Variants in AGPAT4 observed in about 807,000 individuals in gnomAD.
The protein encoded by AGPAT4 is 1-acyl-sn-glycerol-3-phosphate acyltransferase delta.
In AGPAT4, 15 loss-of-function variants were observed where a neutral mutation model predicts 48.0. The observed-to-expected ratio is 0.31, with a 90% CI of 0.21 to 0.48. The LOEUF (loss-of-function observed/expected upper bound fraction) is 0.48, where lower values mean the gene tolerates loss of function less well. Among genes scored for constraint, AGPAT4 ranks in the 20% least tolerant of loss-of-function variants. AGPAT4 has a pLI of 0.99. For missense variants in AGPAT4, 314 were observed against 482.5 expected (o/e 0.65, Z 3.27); for synonymous variants, 178 against 198.7 (o/e 0.90, Z 0.88).
intron 2 of AGPAT4, among the ~76,000 whole-genome samples, chr6:161,203,631 C>T (rs1359345773): frequency 1.3e-5 from 2 of 152,078 alleles, no homozygotes; most frequent in African/African-American, 4.8e-5. Context: ...CTCCTGACCT[C>T]AAGTAATCCG....
rs1783145034 is a variant in AGPAT4, at chr6:161,262,957, G to A, written c.-90+10981C>T. On this transcript the variant is annotated intron_variant, in intron 1 of 8. Coordinates refer to ENST00000320285, the MANE Select transcript of AGPAT4 (RefSeq NM_020133.3). The surrounding 1 kb of genome is among the most constrained non-coding windows in gnomAD (Gnocchi z 4.9). ...GCCAGGAGGAGCAAAGCAAGCCCTGGGCTATTCCAGAGAAAGCGAGGGAAG... is the reference window on the plus strand; with the variant it reads ...GCCAGGAGGAGCAAAGCAAGCCCTGAGCTATTCCAGAGAAAGCGAGGGAAG... 6.6e-6 allele frequency among the ~76,000 whole-genome samples: 1 copy of A among 152,088 alleles called. No homozygotes were observed. Among genetic ancestry groups the A allele is most frequent in the African/African-American group, 2.4e-5 (1 of 41,422 alleles).
At chr6:161,213,570 T>C (rs901216380) in intron 2 of AGPAT4, among the ~76,000 whole-genome samples, 3 of 152,224 alleles carry the variant, frequency 2.0e-5, no homozygotes, top group African/African-American at 7.2e-5. Context: ...AACTAAGCTG[T>C]GCTTTTGTAA....
At position 161,141,051 on chromosome 6, in the gene AGPAT4, C is replaced by A. The variant is rs558302167; in HGVS notation, c.844-1431G>T. Among the ~76,000 whole-genome samples the A allele has an allele frequency of 1.3e-5, 2 of 152,252 alleles. No individual in the cohort carries two copies. Among genetic ancestry groups the A allele is most frequent in the Non-Finnish European group, 2.9e-5 (2 of 68,012 alleles). ...CTTGAGATAGAAAAGTCTAAAGTATCTCATACTTTTCTTCTTTTTCATTCA... is the reference window on the plus strand; with the variant it reads ...CTTGAGATAGAAAAGTCTAAAGTATATCATACTTTTCTTCTTTTTCATTCA... On this transcript the variant is annotated intron_variant, in intron 7 of 8. Transcript: ENST00000320285. The surrounding 1 kb of genome is among the most constrained non-coding windows in gnomAD (Gnocchi z 6.7).
chr6:161,223,942 A>C lies in AGPAT4; in HGVS notation c.178+8094T>G, dbSNP rs1395367370. Among the ~76,000 whole-genome samples the C allele has an allele frequency of 6.6e-6, 1 of 152,252 alleles. No homozygotes were observed. The highest frequency in any genetic ancestry group is 1.5e-5 in the Non-Finnish European group (1 of 68,048). ...AAATACTAGCTGGCTAAAAGTTCAT[A>C]GAATAAAAAGGCAGAATCAGGAAGT... is the stretch of plus-strand genomic sequence containing the variant. On this transcript the variant is annotated intron_variant, in intron 2 of 8. Coordinates refer to ENST00000320285, the MANE Select transcript of AGPAT4 (RefSeq NM_020133.3). This position sits in a 1 kb window ranked among gnomAD's most constrained non-coding sequence, Gnocchi z 6.3.
intron 2 of AGPAT4, among the ~76,000 whole-genome samples, chr6:161,199,171 G>T (rs2115008301): frequency 6.6e-6 from 1 of 151,856 alleles, no homozygotes; most frequent in African/African-American, 2.4e-5. Context: ...GCAACACTGT[G>T]CATCAGACTT....
At position 161,229,168 on chromosome 6, in the gene AGPAT4, T is replaced by C. The variant is rs1323448205; in HGVS notation, c.178+2868A>G. Among the ~76,000 whole-genome samples the C allele has an allele frequency of 6.6e-6, 1 of 152,146 alleles. No homozygotes were observed. Among genetic ancestry groups the C allele is most frequent in the Non-Finnish European group, 1.5e-5 (1 of 68,024 alleles). On this transcript the variant is annotated intron_variant, in intron 2 of 8. Transcript: ENST00000320285. The surrounding 1 kb of genome is among the most constrained non-coding windows in gnomAD (Gnocchi z 6.0). ...TTTAATGAGAAAAGAGACAAAGCCA[T>C]AGCTCTGCTAGAGGAAAGCGAACAC...
chr6:161,153,978 C>T (rs939489976), intron 4 of AGPAT4, 171 bp downstream of exon 4: 21 of 863,516 alleles, frequency 2.4e-5, no homozygotes, highest in Middle Eastern at 3.3e-4. Context: ...CGGTCACACA[C>T]GGCCCCATGG....
At position 161,195,509 on chromosome 6, in the gene AGPAT4, A is replaced by G. The variant is rs557266109; in HGVS notation, c.179-29092T>C. 1.4e-3 allele frequency among the ~76,000 whole-genome samples: 217 copies of G among 152,350 alleles called. No individual in the cohort carries two copies. Among genetic ancestry groups the G allele is most frequent in the African/African-American group, 5.0e-3 (207 of 41,578 alleles). On this transcript the variant is annotated intron_variant, in intron 2 of 8. Transcript: ENST00000320285. This position sits in a 1 kb window ranked among gnomAD's most constrained non-coding sequence, Gnocchi z 5.0. ...GTTTGTACAGTAGCCAGAGATCTTT[A>G]AAAGCTCAAAGCGCTTCCTAGCGCA...
At chr6:161,260,591 G>T (rs1783069583) in intron 1 of AGPAT4, among the ~76,000 whole-genome samples, 1 of 147,548 alleles carries the variant, frequency 6.8e-6, no homozygotes, top group South Asian at 2.2e-4. Context: ...GGGAGGCGGA[G>T]GTTGCAGTGA....
At position 161,149,289 on chromosome 6, in the gene AGPAT4, A is replaced by C; in HGVS notation, c.665T>G (p.Val222Gly). 2 of 1,607,706 alleles carry C rather than the reference A, an allele frequency of 1.2e-6. No individual in the cohort carries two copies. Among genetic ancestry groups the C allele is most frequent in the Non-Finnish European group, 1.7e-6 (2 of 1,179,138 alleles). The change falls in exon 6 of 9, where the codon GTT becomes GGT. Residue 222 changes from valine to glycine, a missense_variant and splice_region_variant. Physicochemically the swap from Val to Gly is moderately radical, Grantham distance 109. Coordinates refer to ENST00000320285, the MANE Select transcript of AGPAT4 (RefSeq NM_020133.3). The surrounding 1 kb of genome is among the most constrained non-coding windows in gnomAD (Gnocchi z 6.5). ...GAGTGTACAGTCATATACAGCTGAAACTATAAAAAATAAAACAAATACAAA... is the reference window on the plus strand; with the variant it reads ...GAGTGTACAGTCATATACAGCTGAACCTATAAAAAATAAAACAAATACAAA... ...AITVRSLRNV[V>G]SAVYDCTLNF...
At position 161,139,395 on chromosome 6, in the gene AGPAT4, C is replaced by T; in HGVS notation, c.1042+27G>A. 2 of 1,610,674 alleles carry T rather than the reference C, an allele frequency of 1.2e-6. No individual in the cohort carries two copies. The highest frequency in any genetic ancestry group is 1.7e-6 in the Non-Finnish European group (2 of 1,177,482). ...CTCTCCCAGGGTGGTGCTGTCAGCA[C>T]CCACCAGCCCCTTGCCCTCCACTCA... is the stretch of plus-strand genomic sequence containing the variant. On this transcript the variant is annotated intron_variant, in intron 8 of 8. Coordinates refer to ENST00000320285, the MANE Select transcript of AGPAT4 (RefSeq NM_020133.3). The surrounding 1 kb of genome is among the most constrained non-coding windows in gnomAD (Gnocchi z 9.1).
chr6:161,219,881 A>AGGCAGGCAGGCAGGCAGGCAGGC lies in AGPAT4; in HGVS notation c.178+12132_178+12154dup, dbSNP rs1562343736. ...TAGATAGATAGATAGATAGGCAGGC[A>AGGCAGGCAGGCAGGCAGGCAGGC]GGCAGGCAGGCAGGCAGGCAGGCAG... On this transcript the variant is annotated intron_variant, in intron 2 of 8. Coordinates refer to ENST00000320285, the MANE Select transcript of AGPAT4 (RefSeq NM_020133.3). This position sits in a 1 kb window ranked among gnomAD's most constrained non-coding sequence, Gnocchi z 4.9. Among the ~76,000 whole-genome samples, 231 of 92,288 alleles carry AGGCAGGCAGGCAGGCAGGCAGGC rather than the reference A, an allele frequency of 2.5e-3. 2 individuals are homozygous for AGGCAGGCAGGCAGGCAGGCAGGC. Among genetic ancestry groups the AGGCAGGCAGGCAGGCAGGCAGGC allele is most frequent in the African/African-American group, 8.9e-3 (213 of 23,972 alleles). The allele number at this position is 92,288 out of a possible 152,430, so 60.5% of individuals were successfully genotyped here.
rs146932214 is a variant in AGPAT4, at chr6:161,233,607, C to G, written c.-89-1305G>C. ...ACTCTTCTGTTTTTCACTTTCAGTA[C>G]AGTATTCAATAAATTACAAGGCCTA... On this transcript the variant is annotated intron_variant, in intron 1 of 8. Transcript: ENST00000320285. This position sits in a 1 kb window ranked among gnomAD's most constrained non-coding sequence, Gnocchi z 5.4. Among the ~76,000 whole-genome samples the G allele has an allele frequency of 2.2e-4, 33 of 152,112 alleles. No individual in the cohort carries two copies. Among genetic ancestry groups the G allele is most frequent in the African/African-American group, 7.7e-4 (32 of 41,402 alleles).
At position 161,219,872 on chromosome 6, in the gene AGPAT4, T is replaced by TAGATAGATAGAC. The variant is rs1375144242; in HGVS notation, c.178+12163_178+12164insGTCTATCTATCT. Among the ~76,000 whole-genome samples the TAGATAGATAGAC allele has an allele frequency of 1.2e-4, 15 of 121,232 alleles. No individual in the cohort carries two copies. Among genetic ancestry groups the TAGATAGATAGAC allele is most frequent in the African/African-American group, 3.1e-4 (11 of 35,332 alleles). The allele number at this position is 121,232 out of a possible 152,430, so 79.5% of individuals were successfully genotyped here. On this transcript the variant is annotated intron_variant, in intron 2 of 8. Coordinates refer to ENST00000320285, the MANE Select transcript of AGPAT4 (RefSeq NM_020133.3). This position sits in a 1 kb window ranked among gnomAD's most constrained non-coding sequence, Gnocchi z 4.9. Reference sequence around the variant, plus strand: ...ATAGATAGATAGATAGATAGATAGATAGGCAGGCAGGCAGGCAGGCAGGCA... The same window carrying TAGATAGATAGAC: ...ATAGATAGATAGATAGATAGATAGATAGATAGATAGACAGGCAGGCAGGCAGGCAGGCAGGCA...
chr6:161,147,932 C>T lies in AGPAT4; in HGVS notation c.767+1255G>A, dbSNP rs1396894486. Among the ~76,000 whole-genome samples the T allele has an allele frequency of 1.3e-5, 2 of 152,188 alleles. No homozygotes were observed. Among genetic ancestry groups the T allele is most frequent in the African/African-American group, 4.8e-5 (2 of 41,446 alleles). The stretch of plus-strand genomic sequence containing the variant: ...CAAAAAGATGTGTGTTGAATAGCAT[C>T]AATGCTAACCTTCCTCTGGGGTCAA... On this transcript the variant is annotated intron_variant, in intron 6 of 8. Transcript: ENST00000320285. The surrounding 1 kb of genome is among the most constrained non-coding windows in gnomAD (Gnocchi z 4.8).
At position 161,219,946 on chromosome 6, in the gene AGPAT4, G is replaced by GCAGACAGA. The variant is rs3839453; in HGVS notation, c.178+12082_178+12089dup. Among the ~76,000 whole-genome samples the GCAGACAGA allele has an allele frequency of 1.4e-3, 198 of 143,592 alleles. 3 individuals carry two copies. Among genetic ancestry groups the GCAGACAGA allele is most frequent in the East Asian group, 0.01 (48 of 4,688 alleles). The allele number at this position is 143,592 out of a possible 152,430, so 94.2% of individuals were successfully genotyped here. The stretch of plus-strand genomic sequence containing the variant: ...GGCAGGCAGGCAGGCAGGCAGGCAG[G>GCAGACAGA]CAGACAGACAGACAGACAGACAGGC... On this transcript the variant is annotated intron_variant, in intron 2 of 8. Coordinates refer to ENST00000320285, the MANE Select transcript of AGPAT4 (RefSeq NM_020133.3). This position sits in a 1 kb window ranked among gnomAD's most constrained non-coding sequence, Gnocchi z 4.9.
Position 161,216,152 on chromosome 6 carries a change from G to C in AGPAT4, c.178+15884C>G, listed in dbSNP as rs1252750528. Among the ~76,000 whole-genome samples, 1 of 152,190 alleles carries C rather than the reference G, an allele frequency of 6.6e-6. No homozygotes were observed. On this transcript the variant is annotated intron_variant, in intron 2 of 8. Transcript: ENST00000320285. This position sits in a 1 kb window ranked among gnomAD's most constrained non-coding sequence, Gnocchi z 4.8. Reference sequence around the variant, plus strand: ...AAGGCTTCTTCATAGTCTGACAAAGGAGACTAACACTCTTAGACACAAATA... The same window carrying C: ...AAGGCTTCTTCATAGTCTGACAAAGCAGACTAACACTCTTAGACACAAATA...
rs1453374335 is a variant in AGPAT4, at chr6:161,184,008, GT to G, written c.179-17592del. ...TTGGTGAGACAGGAAGTCACTGGAA[GT>G]TTAGCGTGATGTATGACTTGATCCA... On this transcript the variant is annotated intron_variant, in intron 2 of 8. Coordinates refer to ENST00000320285, the MANE Select transcript of AGPAT4 (RefSeq NM_020133.3). This position sits in a 1 kb window ranked among gnomAD's most constrained non-coding sequence, Gnocchi z 4.8. 6.6e-6 allele frequency among the ~76,000 whole-genome samples: 1 copy of G among 152,078 alleles called. No homozygotes were observed. The highest frequency in any genetic ancestry group is 1.5e-5 in the Non-Finnish European group (1 of 68,018).
rs7775595 is a variant in AGPAT4 at position 161,155,887 on chromosome 6, A to G, written c.349-1577T>C. Among the ~76,000 whole-genome samples, 45,488 of 152,204 alleles carry G rather than the reference A, an allele frequency of 0.3. 8,593 individuals are homozygous for G. The highest frequency in any genetic ancestry group is 0.54 in the African/African-American group (22,347 of 41,500). On this transcript the variant is annotated intron_variant, in intron 3 of 8. Coordinates refer to ENST00000320285, the MANE Select transcript of AGPAT4 (RefSeq NM_020133.3). The surrounding 1 kb of genome is among the most constrained non-coding windows in gnomAD (Gnocchi z 5.8). ...ATGATGATTGGTTCTGCAGCCAGGA[A>G]GGGGCCACAGACTAAAGCAGCAGCT... is the stretch of plus-strand genomic sequence containing the variant.
Sources: gnomAD v4.1 joint callset for allele counts (sites outside exome capture counted in the v4.1 genomes callset) on GRCh38, gnomAD v4.1.1 for gene constraint, Gnocchi (gnomAD v3.1) non-coding constraint, MANE v1.5 for transcripts, NCBI Gene and HGNC (gene_info 2026-07-23, HGNC 2026-07-21) for gene names.